Variants in TTC28 observed in about 807,000 individuals in gnomAD.
The protein encoded by TTC28 is tetratricopeptide repeat protein 28.
Under a neutral mutation model 198.0 loss-of-function variants are expected in TTC28, and 61 were observed. The ratio of observed to expected loss-of-function variants is 0.31; its 90% CI spans 0.25 to 0.38. TTC28 has a LOEUF of 0.38. TTC28 is among the 10% of genes least tolerant of loss of function. The pLI is 1.00. For synonymous variants in TTC28, 1,171 were observed against 1,297.8 expected (o/e 0.90, Z 2.10); for missense variants, 2,678 against 3,164.0 (o/e 0.85, Z 3.69).
At chr22:28,179,313 C>T (rs1330478536) in intron 5 of TTC28, among the ~76,000 whole-genome samples, 7 of 151,946 alleles carry the variant, frequency 4.6e-5, no homozygotes, top group Admixed American at 3.9e-4. Flanking sequence ...GTGTGTGCCA[C>T]CATGCACAGC....
chr22:28,500,466 G>A (rs1027935027), intron 2 of TTC28, among the ~76,000 whole-genome samples: 1 of 152,112 alleles, frequency 6.6e-6, no homozygotes, highest in Non-Finnish European at 1.5e-5. Flanking sequence ...GTGATGTTGA[G>A]TACATGTAAT....
At chr22:28,307,930 CAG>C (rs2045178539) in intron 2 of TTC28, among the ~76,000 whole-genome samples, 1 of 152,090 alleles carries the variant, frequency 6.6e-6, no homozygotes, top group South Asian at 2.1e-4. Flanking sequence ...TGCATATACA[CAG>C]AGAGTGAGAA....
chr22:27,998,225 C>T (rs372882807), intron 16 of TTC28: 2 of 431,094 alleles, frequency 4.6e-6, no homozygotes, highest in Non-Finnish European at 8.4e-6. Flanking sequence ...ACCACACACT[C>T]CTTTCTACAG....
intron 5 of TTC28, among the ~76,000 whole-genome samples, chr22:28,254,223 T>C (rs1476038555): frequency 1.3e-5 from 2 of 151,864 alleles, no homozygotes; most frequent in Admixed American, 6.6e-5. Flanking sequence ...ACTGAATATA[T>C]GAGGAAAGGA....
chr22:28,579,655 C>A (rs575232676), intron 2 of TTC28, among the ~76,000 whole-genome samples: 1 of 150,634 alleles, frequency 6.6e-6, no homozygotes, highest in Admixed American at 6.6e-5. Context: ...TGTATAAATA[C>A]ACATATATAC....
chr22:28,578,839 T>C (rs534901851), intron 2 of TTC28, among the ~76,000 whole-genome samples: 6 of 152,048 alleles, frequency 3.9e-5, no homozygotes, highest in Admixed American at 6.6e-5. Context: ...CCAGTGTCCA[T>C]GGAAGAAACA....
intron 5 of TTC28, among the ~76,000 whole-genome samples, chr22:28,203,859 A>G (rs1926179396): frequency 6.6e-6 from 1 of 152,106 alleles, no homozygotes; most frequent in Non-Finnish European, 1.5e-5. Context: ...TCTCTGCCTC[A>G]CTCATCACAA....
At chr22:28,621,626 C>T (rs1189270063) in intron 2 of TTC28, among the ~76,000 whole-genome samples, 3 of 149,316 alleles carry the variant, frequency 2.0e-5, no homozygotes, top group African/African-American at 7.4e-5. Context: ...GCCTGTAGTC[C>T]CAGCTACTCA....
rs188183440 is a variant in TTC28 at position 28,156,487 on chromosome 22, T to C, written c.1441+6605A>G. On this transcript the variant is annotated intron_variant, in intron 6 of 22. Transcript: ENST00000397906. ...CCTCCAGAGCTGTAAGAGAATAAAT[T>C]TGTGTTGTTTTAAACCACTAAGTTT... Among the ~76,000 whole-genome samples the C allele has an allele frequency of 2.6e-3, 389 of 152,356 alleles. 4 individuals carry two copies. Among genetic ancestry groups the C allele is most frequent in the African/African-American group, 9.0e-3 (376 of 41,592 alleles).
intron 19 of TTC28, among the ~76,000 whole-genome samples, chr22:27,992,267 G>T (rs1569071287): frequency 6.6e-6 from 1 of 152,196 alleles, no homozygotes; most frequent in African/African-American, 2.4e-5. Context: ...CCCTGGGGTT[G>T]GCCGCACAGC....
chr22:28,158,294 T>C (rs1943800007), intron 6 of TTC28, among the ~76,000 whole-genome samples: 1 of 152,242 alleles, frequency 6.6e-6, no homozygotes, highest in Admixed American at 6.5e-5. Context: ...TCCACATTCA[T>C]GGATTGGAAG....
intron 5 of TTC28, among the ~76,000 whole-genome samples, chr22:28,209,388 C>A (rs1325319533): frequency 1.3e-5 from 2 of 152,190 alleles, no homozygotes; most frequent in Non-Finnish European, 2.9e-5. Flanking sequence ...CTTTCCTAGC[C>A]AAGGGAAGCC....
chr22:28,508,228 G>GA (rs972432181), intron 2 of TTC28, among the ~76,000 whole-genome samples: 30 of 141,770 alleles, frequency 2.1e-4, no homozygotes, highest in Admixed American at 1.2e-3. Flanking sequence ...ATGCAAAACA[G>GA]AAAAAAAAAA....
At chr22:28,231,604 G>T (rs770852783) in intron 5 of TTC28, among the ~76,000 whole-genome samples, 3 of 152,214 alleles carry the variant, frequency 2.0e-5, no homozygotes, top group Non-Finnish European at 4.4e-5. Context: ...TCCTATGTGG[G>T]TTGTGGAATG....
At chr22:28,122,984 TG>T (rs890717385) in intron 6 of TTC28, among the ~76,000 whole-genome samples, 3 of 152,138 alleles carry the variant, frequency 2.0e-5, no homozygotes, top group Non-Finnish European at 2.9e-5. Flanking sequence ...TTTATTGAAA[TG>T]GGGTATGAAG....
chr22:28,470,076 C>T (rs190832426), intron 2 of TTC28, among the ~76,000 whole-genome samples: 245 of 152,230 alleles, frequency 1.6e-3, no homozygotes, highest in African/African-American at 5.5e-3. Context: ...ACTCCTGGGC[C>T]TCAAGTGATC....
At chr22:28,234,961 T>A (rs1929120079) in intron 5 of TTC28, among the ~76,000 whole-genome samples, 1 of 152,190 alleles carries the variant, frequency 6.6e-6, no homozygotes, top group Admixed American at 6.5e-5. Context: ...TGTGATCTTT[T>A]ATGTTATTGC....
At chr22:28,068,081 C>G (rs368561328) in intron 12 of TTC28, among the ~76,000 whole-genome samples, 2 of 152,162 alleles carry the variant, frequency 1.3e-5, no homozygotes, top group South Asian at 4.1e-4. Context: ...TTATACACCC[C>G]AGGCAACACC....
chr22:28,166,045 C>A (rs1569173932), intron 5 of TTC28, among the ~76,000 whole-genome samples: 1 of 152,094 alleles, frequency 6.6e-6, no homozygotes, highest in Non-Finnish European at 1.5e-5. Flanking sequence ...TCGGGTAAAA[C>A]AGACTTTAAA....
Sources: allele counts gnomAD v4.1 joint callset (sites outside exome capture counted in the v4.1 genomes callset), GRCh38; gene constraint gnomAD v4.1.1; transcripts MANE v1.5; gene names NCBI Gene and HGNC (gene_info 2026-07-23, HGNC 2026-07-21).